The following BICDL1 variants were observed in gnomAD, a reference collection of about 807,000 sequenced individuals.
BICDL1 encodes BICD family like cargo adaptor 1, also known as BICD family-like cargo adapter 1.
Under a neutral mutation model 76.8 loss-of-function variants are expected in BICDL1, and 20 were observed. The observed-to-expected ratio is 0.26, with a 90% confidence interval of 0.18 to 0.38. The LOEUF is 0.38. BICDL1 is among the 10% of genes least tolerant of loss of function. BICDL1 has a pLI of 1.00. For missense variants in BICDL1, 700 were observed against 798.6 expected (o/e 0.88, Z 1.49); for synonymous variants, 383 against 337.1 (o/e 1.14, Z -1.49).
intron 2 of BICDL1, among the ~76,000 whole-genome samples, chr12:120,038,792 C>A (rs1199057415): frequency 6.6e-6 from 1 of 152,102 alleles, no homozygotes; most frequent in East Asian, 1.9e-4. Flanking sequence ...TCAGTTTCCT[C>A]ATCTAAAGAG....
Position 120,093,406 on chromosome 12 carries a change from C to A in BICDL1, c.*245C>A, listed in dbSNP as rs929243650. The A allele has an allele frequency of 1.9e-5, 10 of 529,130 alleles. No individual in the cohort carries two copies. Among genetic ancestry groups the A allele is most frequent in the African/African-American group, 1.7e-4 (9 of 51,548 alleles). The allele number at this position is 529,130 out of a possible 1,614,324, so 32.8% of individuals were successfully genotyped here. A position where few individuals can be genotyped will look rare whatever the true frequency, so the allele number is the denominator to read the frequency against. On this transcript the variant is annotated 3_prime_UTR_variant, in exon 10 of 10. Transcript: ENST00000548673. ...TGGCCAAGCCCACGCCTGGGCTTCT[C>A]CAGGACCACGTGCTTGAGCAGGGTT...
intron 8 of BICDL1, among the ~76,000 whole-genome samples, chr12:120,087,350 G>C (rs1424272192): frequency 6.6e-6 from 1 of 152,288 alleles, no homozygotes; most frequent in African/African-American, 2.4e-5. Context: ...GCCGGCGGGC[G>C]GGGCGCACTT....
intron 9 of BICDL1, chr12:120,092,036 T>C: frequency 1.0e-6 from 1 of 985,444 alleles, no homozygotes; most frequent in Non-Finnish European, 1.2e-6. Flanking sequence ...GTTCAAGTCA[T>C]GAAGGAATCG....
intron 1 of BICDL1, 129 bp downstream of exon 1, chr12:119,990,426 A>G: frequency 6.8e-7 from 1 of 1,463,276 alleles, no homozygotes; most frequent in East Asian, 2.5e-5. Context: ...TCTGGAATGA[A>G]TGGGGGAGGG....
intron 2 of BICDL1, chr12:119,999,688 A>AAT: frequency 6.0e-6 from 2 of 335,486 alleles, no homozygotes; most frequent in Non-Finnish European, 1.1e-5. Context: ...ATCTAATTTA[A>AAT]ATACAGAACA....
chr12:120,091,311 C>CTT (rs1566274748), intron 9 of BICDL1: 1 of 1,062,936 alleles, frequency 9.4e-7, no homozygotes, highest in Non-Finnish European at 1.1e-6. Context: ...GTCTGGGAAA[C>CTT]TCTAAAGGGC....
Position 120,061,715 on chromosome 12 carries a change from A to G in BICDL1, c.651A>G (p.Ser217=). The G allele has an allele frequency of 6.2e-7, 1 of 1,612,816 alleles. No homozygotes were observed. Among genetic ancestry groups the G allele is most frequent in the Non-Finnish European group, 8.5e-7 (1 of 1,178,730 alleles). The change falls in exon 3 of 10, where the codon TCA becomes TCG. Residue 217 remains serine (S), a synonymous_variant. Transcript: ENST00000548673. The part of the protein sequence containing the change: ...QRLLDQLSRA[S]EVERQLSMQV... ...GCAGGTCTCCTCTGTTTCAGGCATC[A>G]GAAGTTGAGAGACAACTCTCCATGC...
chr12:120,030,876 C>A (rs993019311), intron 2 of BICDL1, among the ~76,000 whole-genome samples: 27 of 152,156 alleles, frequency 1.8e-4, no homozygotes, highest in African/African-American at 5.6e-4. Flanking sequence ...TGACAAATAA[C>A]CAGTTTGCCT....
intron 2 of BICDL1, among the ~76,000 whole-genome samples, chr12:120,036,744 C>G (rs1035766505): frequency 1.1e-4 from 16 of 152,148 alleles, no homozygotes; most frequent in African/African-American, 3.9e-4. Flanking sequence ...GGCGTGGTGG[C>G]ATGCGCCTGT....
intron 2 of BICDL1, among the ~76,000 whole-genome samples, chr12:120,030,844 A>G (rs559119201): frequency 2.0e-5 from 3 of 152,282 alleles, no homozygotes; most frequent in Admixed American, 2.0e-4. Flanking sequence ...ACAGTAACTG[A>G]GTGAAGAGCA....
intron 1 of BICDL1, among the ~76,000 whole-genome samples, chr12:119,993,718 A>C (rs1304486909): frequency 6.6e-6 from 1 of 151,562 alleles, no homozygotes; most frequent in East Asian, 1.9e-4. Flanking sequence ...TCCTGGATTC[A>C]AGCGATTCTC....
intron 2 of BICDL1, among the ~76,000 whole-genome samples, chr12:120,003,282 A>G (rs796355953): frequency 4.6e-5 from 7 of 152,308 alleles, no homozygotes; most frequent in African/African-American, 1.7e-4. Context: ...TTTGATGAAT[A>G]CTGTTAGACT....
At chr12:120,011,734 G>T (rs530125816) in intron 2 of BICDL1, among the ~76,000 whole-genome samples, 27 of 152,170 alleles carry the variant, frequency 1.8e-4, no homozygotes, top group African/African-American at 6.5e-4. Flanking sequence ...TAAACCCTAA[G>T]CTCTCAATGG....
At chr12:120,038,070 G>A (rs972440301) in intron 2 of BICDL1, among the ~76,000 whole-genome samples, 2 of 152,180 alleles carry the variant, frequency 1.3e-5, no homozygotes, top group African/African-American at 4.8e-5. Flanking sequence ...GTAGACAGAG[G>A]CCAGATTCTT....
At chr12:120,065,726 A>C (rs1953205939) in intron 4 of BICDL1, among the ~76,000 whole-genome samples, 1 of 152,220 alleles carries the variant, frequency 6.6e-6, no homozygotes, top group African/African-American at 2.4e-5. Flanking sequence ...GGTGTACTCA[A>C]GCACCAGGTG....
intron 2 of BICDL1, chr12:120,057,295 C>T (rs978955130): frequency 3.1e-5 from 10 of 323,114 alleles, no homozygotes; most frequent in South Asian, 5.0e-5. Context: ...GATTACACCG[C>T]GCCTGGCCCA....
At chr12:119,991,884 T>G (rs1951531829) in intron 1 of BICDL1, among the ~76,000 whole-genome samples, 1 of 152,250 alleles carries the variant, frequency 6.6e-6, no homozygotes, top group South Asian at 2.1e-4. Context: ...AAAGGTTGTA[T>G]TGTAAAAGAA....
intron 8 of BICDL1, among the ~76,000 whole-genome samples, chr12:120,081,626 G>A (rs1873996872): frequency 6.6e-6 from 1 of 151,806 alleles, no homozygotes; most frequent in Non-Finnish European, 1.5e-5. Context: ...TGAGATTACA[G>A]GCGTGAGCCA....
At chr12:120,031,308 A>G (rs1952418822) in intron 2 of BICDL1, among the ~76,000 whole-genome samples, 1 of 147,812 alleles carries the variant, frequency 6.8e-6, no homozygotes, top group African/African-American at 2.5e-5. Flanking sequence ...GGTTCACGCC[A>G]TTCTCCTGCC....
Sources: allele counts gnomAD v4.1 joint callset (sites outside exome capture counted in the v4.1 genomes callset), GRCh38; gene constraint gnomAD v4.1.1; transcripts MANE v1.5; gene names NCBI Gene and HGNC (gene_info 2026-07-23, HGNC 2026-07-21).